GRID2: variants seen among roughly 807,000 people sequenced by gnomAD.
GRID2 encodes glutamate receptor ionotropic, delta-2.
A neutral mutation model predicts 114.8 loss-of-function variants in GRID2; 33 were observed. The ratio of observed to expected loss-of-function variants is 0.29; its 90% CI spans 0.22 to 0.38. GRID2 has a LOEUF of 0.38. Ranked by LOEUF, GRID2 falls within the 10% of genes least tolerant of loss-of-function variation. GRID2 has a pLI of 1.00. For synonymous variants in GRID2, 505 were observed against 449.9 expected, an observed-to-expected ratio of 1.12 and a Z score of -1.55; for missense variants, 1,184 against 1,257.7, an observed-to-expected ratio of 0.94 and a Z score of 0.89.
intron 13 of GRID2, among the ~76,000 whole-genome samples, chr4:93,606,425 T>A (rs77730477): frequency 6.6e-6 from 1 of 152,314 alleles, no homozygotes; most frequent in East Asian, 1.9e-4. Flanking sequence ...ATGCTGTTCA[T>A]GAAGGTGAGC....
rs1304654243 is a variant in GRID2, at chr4:93,679,423, C to A, written c.2360+52988C>A. On this transcript the variant is annotated intron_variant, in intron 14 of 15. Transcript: ENST00000282020. ...GAATTGAACTCAGCTCTGCACCAAG[C>A]AGACCTAATAGACATCTACAGAACT... 2.0e-5 allele frequency among the ~76,000 whole-genome samples: 3 copies of A among 151,010 alleles called. No homozygotes were observed. In the East Asian group the frequency reaches 5.8e-4, roughly 29 times the overall value.
chr4:93,449,082 C>A (rs1188385846), intron 10 of GRID2, among the ~76,000 whole-genome samples: 3 of 150,858 alleles, frequency 2.0e-5, no homozygotes, highest in Non-Finnish European at 2.9e-5. Context: ...AACCTGGAAT[C>A]TTTACATTGT....
chr4:92,921,812 G>A (rs1188057879), intron 2 of GRID2, among the ~76,000 whole-genome samples: 1 of 152,204 alleles, frequency 6.6e-6, no homozygotes. Context: ...ACTTGAGGAG[G>A]CAGTCTGTCT....
chr4:93,540,382 G>A (rs1732542736), intron 13 of GRID2, among the ~76,000 whole-genome samples: 1 of 151,740 alleles, frequency 6.6e-6, no homozygotes, highest in Non-Finnish European at 1.5e-5. Context: ...AGTCACTATT[G>A]CAATAGAGAC....
chr4:93,402,951 C>T (rs1466608721), intron 9 of GRID2, among the ~76,000 whole-genome samples: 1 of 152,108 alleles, frequency 6.6e-6, no homozygotes, highest in African/African-American at 2.4e-5. Flanking sequence ...TTCATCGCTA[C>T]CTCAAAGTTC....
At chr4:93,770,736 C>T (rs985301010) in intron 15 of GRID2, among the ~76,000 whole-genome samples, 3 of 152,114 alleles carry the variant, frequency 2.0e-5, no homozygotes, top group Non-Finnish European at 4.4e-5. Flanking sequence ...AGCTGAGACT[C>T]ATATTTTTAA....
intron 13 of GRID2, among the ~76,000 whole-genome samples, chr4:93,577,946 C>T (rs907207825): frequency 6.6e-6 from 1 of 152,092 alleles, no homozygotes; most frequent in Non-Finnish European, 1.5e-5. Flanking sequence ...TTAGAAGAGG[C>T]GTGTTTGTGC....
intron 1 of GRID2, among the ~76,000 whole-genome samples, chr4:92,541,150 G>A (rs1030330681): frequency 2.6e-5 from 4 of 152,070 alleles, no homozygotes; most frequent in Non-Finnish European, 4.4e-5. Flanking sequence ...TTGTAGGGTG[G>A]GGAGAGGGGG....
At chr4:92,484,551 G>A (rs1722773732) in intron 1 of GRID2, among the ~76,000 whole-genome samples, 1 of 152,196 alleles carries the variant, frequency 6.6e-6, no homozygotes. Flanking sequence ...GGAAGGTGGA[G>A]AGACACATTC....
chr4:93,480,665 C>A (rs1725764195), intron 11 of GRID2, among the ~76,000 whole-genome samples: 1 of 152,052 alleles, frequency 6.6e-6, no homozygotes, highest in African/African-American at 2.4e-5. Context: ...GTCATCCACA[C>A]CACGCCTTTA....
chr4:93,418,190 A>G (rs1220095991), intron 9 of GRID2, among the ~76,000 whole-genome samples: 1 of 151,580 alleles, frequency 6.6e-6, no homozygotes, highest in African/African-American at 2.4e-5. Flanking sequence ...GAGCACTTCT[A>G]TTTCTTTATA....
intron 2 of GRID2, among the ~76,000 whole-genome samples, chr4:93,021,435 G>C (rs915310024): frequency 7.4e-5 from 11 of 149,306 alleles, no homozygotes; most frequent in Non-Finnish European, 1.6e-4. Context: ...AAAAATGATA[G>C]ATATTTAATT....
chr4:92,764,344 G>C (rs1578160308), intron 2 of GRID2, among the ~76,000 whole-genome samples: 1 of 152,186 alleles, frequency 6.6e-6, no homozygotes. Context: ...GTACAAGGAA[G>C]GAGGCATGTA....
intron 2 of GRID2, among the ~76,000 whole-genome samples, chr4:92,843,437 T>C (rs942273767): frequency 2.0e-5 from 3 of 152,074 alleles, no homozygotes; most frequent in Non-Finnish European, 4.4e-5. Context: ...GCTATACTTA[T>C]TGATGTCTGC....
intron 14 of GRID2, among the ~76,000 whole-genome samples, chr4:93,723,850 CTAT>C (rs1729605126): frequency 6.6e-6 from 1 of 152,098 alleles, no homozygotes; most frequent in East Asian, 1.9e-4. Context: ...GATTTTTATT[CTAT>C]TATTTAGTAA....
chr4:92,985,830 T>C (rs1260036475), intron 2 of GRID2, among the ~76,000 whole-genome samples: 2 of 152,180 alleles, frequency 1.3e-5, no homozygotes, highest in Admixed American at 6.5e-5. Context: ...GAACTTCCTA[T>C]TGAAGTTATA....
At chr4:92,758,905 A>T (rs1737855062) in intron 2 of GRID2, among the ~76,000 whole-genome samples, 1 of 152,196 alleles carries the variant, frequency 6.6e-6, no homozygotes, top group Admixed American at 6.5e-5. Context: ...ATGCATGGAG[A>T]GCAGCAAAGG....
chr4:93,063,130 C>T (rs538116703), intron 2 of GRID2, among the ~76,000 whole-genome samples: 66 of 151,652 alleles, frequency 4.4e-4, no homozygotes, highest in Non-Finnish European at 3.5e-4. Context: ...AAAACTTTCT[C>T]GGGCGAAAGG....
chr4:92,513,463 G>A (rs1724352163), intron 1 of GRID2, among the ~76,000 whole-genome samples: 1 of 151,754 alleles, frequency 6.6e-6, no homozygotes, highest in Admixed American at 6.6e-5. Flanking sequence ...TGCACACAGG[G>A]CCACCTTTAC....
Sources: allele counts gnomAD v4.1 joint callset (sites outside exome capture counted in the v4.1 genomes callset), GRCh38; gene constraint gnomAD v4.1.1; transcripts MANE v1.5; gene names NCBI Gene and HGNC (gene_info 2026-07-23, HGNC 2026-07-21).